FCRL6: variants seen among roughly 807,000 people sequenced by gnomAD.
The protein encoded by FCRL6 is Fc receptor-like protein 6.
FCRL6 carries 50 observed loss-of-function variants against 49.1 expected under a neutral mutation model. That is an observed-to-expected ratio of 1.02 (90% CI 0.81 to 1.29). FCRL6 has a LOEUF of 1.29. Ranked by LOEUF, FCRL6 falls within the 50% of genes most tolerant of loss-of-function variation. The probability of loss-of-function intolerance (pLI) is 0.00; values close to 1 mark genes in which losing one functional copy is unlikely to be tolerated. For synonymous variants in FCRL6, 213 were observed against 199.6 expected (o/e 1.07, Z -0.57); for missense variants, 571 against 518.5 (o/e 1.10, Z -0.98).
upstream of FCRL6, chr1:159,802,307 G>A (rs996982080): frequency 9.7e-7 from 1 of 1,028,890 alleles, no homozygotes; most frequent in Non-Finnish European, 1.5e-6. Flanking sequence ...TCAAGCTATA[G>A]CACCACCCAG....
chr1:159,808,936 G>A, intron 3 of FCRL6, 25 bp from the exon 4 acceptor site: 3 of 1,557,440 alleles, frequency 1.9e-6, no homozygotes, highest in Non-Finnish European at 2.6e-6. Context: ...CTCCCCTCCT[G>A]AGTCCTGGGC....
intron 6 of FCRL6, among the ~76,000 whole-genome samples, chr1:159,810,799 A>G (rs1004594783): frequency 3.3e-5 from 5 of 152,232 alleles, no homozygotes; most frequent in Non-Finnish European, 5.9e-5. Flanking sequence ...CAACACTACC[A>G]TTAGTTCCAT....
chr1:159,812,661 C>T (rs1663157686), intron 6 of FCRL6, among the ~76,000 whole-genome samples: 1 of 152,210 alleles, frequency 6.6e-6, no homozygotes, highest in African/African-American at 2.4e-5. Context: ...AATGCTTAAT[C>T]ACTGGGGATC....
Position 159,809,063 on chromosome 1 carries a change from C to T in FCRL6, c.422C>T (p.Ser141Leu). The stretch of plus-strand genomic sequence containing the variant: ...CAGACAAAGCTGCACCCCCTGAGGT[C>T]AGCCTTGAGGCTCCTTTTCTCCTTC... ...RCQTKLHPLR[S>L]ALRLLFSFHK... Residue 141 changes from serine (S) to leucine (L), a missense_variant, in exon 4 of 10, where the codon TCA becomes TTA. Coordinates refer to ENST00000368106, the MANE Select transcript of FCRL6 (RefSeq NM_001004310.3). The T allele has an allele frequency of 1.2e-6, 2 of 1,614,108 alleles. No individual in the cohort carries two copies. Among genetic ancestry groups the T allele is most frequent in the East Asian group, 2.2e-5 (1 of 44,870 alleles).
chr1:159,810,110 C>A lies in FCRL6; in HGVS notation c.903C>A (p.Phe301Leu), dbSNP rs1421308576. The change falls in exon 6 of 10, where the codon TTC (phenylalanine) becomes TTA (leucine). Residue 301 changes from phenylalanine to leucine, a missense_variant. Physicochemically the swap from Phe to Leu is conservative, Grantham distance 22. Transcript: ENST00000368106. ...TGCTCCCAGGTTCTCAAGTCTTGTT[C>A]ACTCCCGCCAGCAACTGGCTGGTTC... ...KLSLKGSQVL[F>L]TPASNWLVPW... 6.2e-6 allele frequency: 10 copies of A among 1,613,154 alleles called. No homozygotes were observed. Among genetic ancestry groups the A allele is most frequent in the South Asian group, 1.1e-5 (1 of 90,890 alleles).
intron 1 of FCRL6, among the ~76,000 whole-genome samples, chr1:159,804,354 G>C (rs913371822): frequency 6.6e-6 from 1 of 152,160 alleles, no homozygotes; most frequent in African/African-American, 2.4e-5. Flanking sequence ...CAAGTATTTT[G>C]TGTCTTTCCT....
rs762003499 is a variant in FCRL6 at position 159,810,196 on chromosome 1, T to C, written c.989T>C (p.Val330Ala). Residue 330 changes from valine to alanine, a missense_variant, in exon 6 of 10, where the codon GTG (valine) becomes GCG (alanine). Transcript: ENST00000368106. ...MVIAAALLVY[V>A]RSWRKAGPLP... is the part of the protein sequence containing the mutation. ...ATTGCTGCTGCACTTCTGGTTTATG[T>C]GAGATCCTGGAGAAAAGCTGGTCAG... 6.2e-7 allele frequency: 1 copy of C among 1,611,398 alleles called. No homozygotes were observed. Among genetic ancestry groups the C allele is most frequent in the Non-Finnish European group, 8.5e-7 (1 of 1,178,270 alleles).
chr1:159,809,976 C>G, intron 5 of FCRL6, 118 bp from the exon 6 acceptor site: 1 of 1,290,104 alleles, frequency 7.8e-7, no homozygotes. Context: ...CTATGAGGCT[C>G]CCCCAGGCCA....
At chr1:159,803,650 C>T (rs1000436174) in intron 1 of FCRL6, among the ~76,000 whole-genome samples, 2 of 152,232 alleles carry the variant, frequency 1.3e-5, no homozygotes, top group Non-Finnish European at 2.9e-5. Flanking sequence ...GTAAAAGGAA[C>T]AGCCCTTGGA....
At chr1:159,803,901 A>G (rs754938303) in intron 1 of FCRL6, among the ~76,000 whole-genome samples, 45 of 150,946 alleles carry the variant, frequency 3.0e-4, no homozygotes, top group African/African-American at 9.3e-4. Context: ...TAGAGCTGCT[A>G]TTTCCTCTCT....
At chr1:159,801,372 G>A (rs370406752), upstream of FCRL6, among the ~76,000 whole-genome samples, 1 of 152,164 alleles carries the variant, frequency 6.6e-6, no homozygotes, top group Non-Finnish European at 1.5e-5. Context: ...TCCCACTAGT[G>A]GTGTACAAGA....
intron 3 of FCRL6, 82 bp from the exon 4 acceptor site, chr1:159,808,879 T>A (rs1464895872): frequency 7.0e-6 from 10 of 1,430,076 alleles, no homozygotes; most frequent in African/African-American, 1.4e-5. Context: ...CAGCCTGAGA[T>A]GAGTAGAAGC....
chr1:159,814,243 T>C lies in FCRL6; in HGVS notation c.1098T>C (p.Asp366=). ...CAGTGCATCACCAGAAAGGGAAAGA[T>C]GAAGGTGTTGTCTACTCTGTGGTGC... ...YANVHHQKGK[D]EGVVYSVVHR... is the part of the protein sequence containing the mutation. Residue 366 remains aspartate, a synonymous_variant, in exon 8 of 10, where the codon GAT becomes GAC. Transcript: ENST00000368106. 1.9e-6 allele frequency: 3 copies of C among 1,614,160 alleles called. No individual in the cohort carries two copies. Among genetic ancestry groups the C allele is most frequent in the East Asian group, 2.2e-5 (1 of 44,880 alleles).
chr1:159,800,689 G>A (rs966894879), upstream of FCRL6: 7 of 1,313,484 alleles, frequency 5.3e-6, no homozygotes, highest in African/African-American at 4.4e-5. Context: ...CTGAGTCACC[G>A]AAAAAAATGC....
chr1:159,800,555 CAGG>C (rs1396105804), upstream of FCRL6: 1 of 1,542,804 alleles, frequency 6.5e-7, no homozygotes, highest in Non-Finnish European at 8.8e-7. Context: ...GAAGACAACT[CAGG>C]AGATCTGTTG....
rs746730936 is a variant in FCRL6, at chr1:159,809,436, C to T, written c.639C>T (p.His213=). The change falls in exon 5 of 10, where the codon CAC becomes CAT. Residue 213 remains histidine (H), a synonymous_variant. Transcript: ENST00000368106. ...PVSRPVLTLH[H]GPADPAVGDM... ...CCCGTCCTGTGCTCACTCTGCACCA[C>T]GGGCCTGCTGACCCTGCTGTGGGGG... The T allele has an allele frequency of 2.3e-5, 37 of 1,612,692 alleles. No individual in the cohort carries two copies. Among genetic ancestry groups the T allele is most frequent in the East Asian group, 6.7e-5 (3 of 44,826 alleles).
intron 8 of FCRL6, among the ~76,000 whole-genome samples, chr1:159,814,654 G>T (rs1393795783): frequency 6.6e-6 from 1 of 152,148 alleles, no homozygotes; most frequent in African/African-American, 2.4e-5. Flanking sequence ...GAAGGACAAA[G>T]AAAAGAGAGA....
chr1:159,815,696 C>T lies in FCRL6; in HGVS notation c.*35C>T. On this transcript the variant is annotated 3_prime_UTR_variant, in exon 10 of 10. Transcript: ENST00000368106. ...TCTCCTATCAACACACGCCCACCCC[C>T]AGTCTCCAGTGCTCCTCAGGAAGAC... 1.2e-6 allele frequency: 2 copies of T among 1,612,080 alleles called. No homozygotes were observed. The highest frequency in any genetic ancestry group is 1.7e-6 in the Non-Finnish European group (2 of 1,179,610).
chr1:159,812,862 A>G (rs1429196970), intron 6 of FCRL6, among the ~76,000 whole-genome samples: 1 of 152,216 alleles, frequency 6.6e-6, no homozygotes, highest in Non-Finnish European at 1.5e-5. Context: ...AAGTTCTGGA[A>G]GCACCTGCTG....
Sources: gnomAD v4.1 joint callset for allele counts (sites outside exome capture counted in the v4.1 genomes callset) on GRCh38, gnomAD v4.1.1 for gene constraint, MANE v1.5 for transcripts, NCBI Gene and HGNC (gene_info 2026-07-23, HGNC 2026-07-21) for gene names.